The following RP1 variants were observed in gnomAD, a reference collection of about 807,000 sequenced individuals.
RP1 encodes the protein oxygen-regulated protein 1.
Under a neutral mutation model 14.8 loss-of-function variants are expected in RP1, and 16 were observed. The observed-to-expected ratio is 1.08, with a 90% CI of 0.73 to 1.65. The LOEUF is 1.65. RP1 is among the 40% of genes most tolerant of loss of function. RP1 has a pLI of 0.00. For synonymous variants in RP1, 876 were observed against 883.6 expected (o/e 0.99, Z 0.15); for missense variants, 2,631 against 2,535.0 (o/e 1.04, Z -0.81).
At chr8:54,791,174 A>AGGC (rs1447041023) in intron 24 of RP1, among the ~76,000 whole-genome samples, 2 of 152,172 alleles carry the variant, frequency 1.3e-5, no homozygotes, top group African/African-American at 2.4e-5. Context: ...GAACGCTTGC[A>AGGC]GGCTGGGAAA....
chr8:54,776,153 G>T (rs974333861), intron 23 of RP1, among the ~76,000 whole-genome samples: 1 of 152,200 alleles, frequency 6.6e-6, no homozygotes, highest in Non-Finnish European at 1.5e-5. Flanking sequence ...ATGGGAGGAT[G>T]TGCATAGGTT....
exon 6 of RP1, chr8:54,656,207 T>C: frequency 6.5e-7 from 1 of 1,534,872 alleles, no homozygotes; most frequent in Middle Eastern, 1.7e-4. Context: ...GGACAACCTG[T>C]CCTTCCAGGT....
chr8:54,648,571 G>A (rs1414727400), intron 3 of RP1, among the ~76,000 whole-genome samples: 2 of 151,922 alleles, frequency 1.3e-5, no homozygotes, highest in Non-Finnish European at 2.9e-5. Flanking sequence ...TTGGAAAAAA[G>A]ACATCTAAAC....
At chr8:54,736,296 A>G (rs989302759) in intron 18 of RP1, among the ~76,000 whole-genome samples, 4 of 152,170 alleles carry the variant, frequency 2.6e-5, no homozygotes, top group Admixed American at 1.3e-4. Flanking sequence ...AATGTGTATA[A>G]ATTAAAAAAG....
chr8:54,617,551 A>C (rs1805749565), intron 1 of RP1, among the ~76,000 whole-genome samples: 1 of 152,184 alleles, frequency 6.6e-6, no homozygotes. Flanking sequence ...GCTCAGGTGC[A>C]CCAGGTAAAT....
At chr8:54,852,754 T>G in intron 26 of RP1, 1 of 1,230,254 alleles carries the variant, frequency 8.1e-7, no homozygotes, top group Non-Finnish European at 1.0e-6. Context: ...CTTCATCAGT[T>G]TTTACCGACT....
chr8:54,830,871 T>A (rs1811503022), intron 24 of RP1, among the ~76,000 whole-genome samples: 1 of 152,064 alleles, frequency 6.6e-6, no homozygotes. Flanking sequence ...CATTCTCCCC[T>A]CCCTTTCAGA....
At chr8:54,661,306 G>GATATATATATGAGTT (rs1554522269) in intron 6 of RP1, among the ~76,000 whole-genome samples, 2 of 79,292 alleles carry the variant, frequency 2.5e-5, no homozygotes, top group African/African-American at 6.7e-5. Flanking sequence ...ATATATATGA[G>GATATATATATGAGTT]ATATATATAT....
intron 12 of RP1, among the ~76,000 whole-genome samples, chr8:54,697,861 C>G (rs1807910035): frequency 1.3e-5 from 2 of 152,244 alleles, no homozygotes; most frequent in Non-Finnish European, 1.5e-5. Context: ...AAACTGGATC[C>G]CTTCATTACA....
intron 24 of RP1, among the ~76,000 whole-genome samples, chr8:54,827,017 A>T (rs138385007): frequency 6.6e-6 from 1 of 152,364 alleles, no homozygotes; most frequent in East Asian, 1.9e-4. Flanking sequence ...GAAAAGGTAC[A>T]GTAAAAATAT....
chr8:54,734,569 G>A (rs1349570458), exon 18 of RP1: 11 of 1,535,224 alleles, frequency 7.2e-6, no homozygotes, highest in Non-Finnish European at 9.6e-6. Flanking sequence ...TTCCAAAGTA[G>A]TGAGACTCTT....
chr8:54,588,788 C>G (rs1284185883), intron 1 of RP1, among the ~76,000 whole-genome samples: 1 of 152,166 alleles, frequency 6.6e-6, no homozygotes, highest in Non-Finnish European at 1.5e-5. Context: ...TGTTCAGATA[C>G]TGTATCCTCT....
rs541436056 is a variant in RP1, at chr8:54,735,413, C to G, written c.2721+669C>G. Among the ~76,000 whole-genome samples the G allele has an allele frequency of 1.6e-4, 25 of 152,292 alleles. No individual in the cohort carries two copies. In the East Asian group the frequency reaches 4.4e-3, roughly 27 times the overall value. Reference sequence around the variant, plus strand: ...TCACTAATTCACCCTTCCAGCCCCACTGCCTGTGAAAGCTGTGTGGCTCTT... The same window carrying G: ...TCACTAATTCACCCTTCCAGCCCCAGTGCCTGTGAAAGCTGTGTGGCTCTT... On this transcript the variant is annotated intron_variant, in intron 18 of 22. Transcript: ENST00000636932.
intron 25 of RP1, among the ~76,000 whole-genome samples, chr8:54,843,828 T>C (rs993412518): frequency 1.3e-5 from 2 of 152,036 alleles, no homozygotes; most frequent in African/African-American, 4.8e-5. Context: ...AGGCCCGCTG[T>C]TGGGAAAGGG....
intron 23 of RP1, among the ~76,000 whole-genome samples, chr8:54,777,574 A>G (rs1483329289): frequency 1.3e-5 from 2 of 152,152 alleles, no homozygotes; most frequent in African/African-American, 2.4e-5. Flanking sequence ...GAATTTCTCT[A>G]TTGCTTTACA....
intron 23 of RP1, among the ~76,000 whole-genome samples, chr8:54,783,063 C>A (rs1276448580): frequency 2.0e-5 from 3 of 152,090 alleles, no homozygotes; most frequent in African/African-American, 7.2e-5. Context: ...AAAGAAAGTT[C>A]TTTTTTGCCT....
chr8:54,695,754 G>T (rs1807844020), intron 12 of RP1, among the ~76,000 whole-genome samples: 1 of 152,118 alleles, frequency 6.6e-6, no homozygotes, highest in Non-Finnish European at 1.5e-5. Flanking sequence ...GTTATCTAAT[G>T]AGTTGTGTCA....
rs1407773274 is a variant in RP1 at position 54,701,669 on chromosome 8, TG to T, written c.1998+9del. On this transcript the variant is annotated splice_region_variant and intron_variant, in intron 14 of 22. Transcript: ENST00000636932. The stretch of plus-strand genomic sequence containing the variant: ...ATTTGTGATTTTTGTCAAGGTAAAA[TG>T]GAGAAAGTTATTAAAGTTTATATTG... The T allele has an allele frequency of 1.1e-5, 17 of 1,533,854 alleles. No individual in the cohort carries two copies. The East Asian group carries it at 4.2e-4, about 38-fold the overall frequency.
chr8:54,649,522 G>C (rs1806614816), intron 4 of RP1, among the ~76,000 whole-genome samples: 1 of 152,190 alleles, frequency 6.6e-6, no homozygotes, highest in Non-Finnish European at 1.5e-5. Flanking sequence ...TTTTTATTAG[G>C]TATTAGTTAT....
Sources: allele counts gnomAD v4.1 joint callset (sites outside exome capture counted in the v4.1 genomes callset), GRCh38; gene constraint gnomAD v4.1.1; transcripts MANE v1.5; gene names NCBI Gene and HGNC (gene_info 2026-07-23, HGNC 2026-07-21).